MMRN1: variants seen among roughly 807,000 people sequenced by gnomAD.
MMRN1 encodes the protein multimerin-1.
A neutral mutation model predicts 100.7 loss-of-function variants in MMRN1; 94 were observed. The ratio of observed to expected loss-of-function variants is 0.93; its 90% CI spans 0.79 to 1.11. The LOEUF is 1.11. Among genes scored for constraint, MMRN1 ranks in the 50% least tolerant of loss-of-function variants. The probability of loss-of-function intolerance (pLI) is 0.00; values close to 1 mark genes in which losing one functional copy is unlikely to be tolerated. For synonymous variants in MMRN1, 575 were observed against 505.0 expected, an observed-to-expected ratio of 1.14 and a Z score of -1.86; for missense variants, 1,606 against 1,439.1, an observed-to-expected ratio of 1.12 and a Z score of -1.88.
intron 6 of MMRN1, 114 bp from the exon 7 acceptor site, chr4:89,951,491 T>C (rs1723172578): frequency 9.5e-6 from 11 of 1,157,878 alleles, no homozygotes; most frequent in Non-Finnish European, 1.3e-5. Flanking sequence ...GTGGAGCCCA[T>C]TTTTCTTACT....
intron 1 of MMRN1, among the ~76,000 whole-genome samples, chr4:89,905,770 GA>G (rs1721547433): frequency 6.6e-6 from 1 of 151,446 alleles, no homozygotes; most frequent in Non-Finnish European, 1.5e-5. Context: ...ACTTCTCAAA[GA>G]AAATTATATA....
intron 1 of MMRN1, among the ~76,000 whole-genome samples, chr4:89,881,871 A>G (rs1720826143): frequency 6.6e-6 from 1 of 152,036 alleles, no homozygotes; most frequent in Admixed American, 6.6e-5. Flanking sequence ...ATTAACTATT[A>G]TTGAAAATAT....
chr4:89,905,930 G>T (rs1428466986), intron 1 of MMRN1, among the ~76,000 whole-genome samples: 1 of 151,522 alleles, frequency 6.6e-6, no homozygotes, highest in African/African-American at 2.4e-5. Flanking sequence ...TTTTGAATTA[G>T]ATGACAAGCA....
rs1316663228 is a variant in MMRN1, at chr4:89,895,399, A to G, written c.428A>G (p.Gln143Arg). 3.1e-6 allele frequency: 5 copies of G among 1,613,844 alleles called. No individual in the cohort carries two copies. The highest frequency in any genetic ancestry group is 4.2e-6 in the Non-Finnish European group (5 of 1,179,938). Residue 143 changes from glutamine (Q) to arginine (R), a missense_variant, in exon 1 of 8, where the codon CAG (glutamine) becomes CGG (arginine). Gln to Arg is a conservative substitution (Grantham distance 43). Transcript: ENST00000264790. ...VLSNSTLKFLQSFARKSNEQA... is the reference protein window; with the variant it reads ...VLSNSTLKFLRSFARKSNEQA... ...TCCAATTCTACACTGAAATTTCTTC[A>G]GAGCTTTGCCAGAAAGTCAAATGAA...
At chr4:89,925,893 C>T (rs111633951) in intron 4 of MMRN1, among the ~76,000 whole-genome samples, 7,922 of 152,248 alleles carry the variant, frequency 0.052, 550 homozygotes, top group African/African-American at 0.16. Context: ...ACATGCGATG[C>T]TTGTCTTTCT....
chr4:89,894,050 G>A (rs1245402735), upstream of MMRN1, among the ~76,000 whole-genome samples: 2 of 152,008 alleles, frequency 1.3e-5, no homozygotes, highest in Non-Finnish European at 2.9e-5. Flanking sequence ...CATTCTATAT[G>A]ATCCCATTTT....
chr4:89,894,472 G>T (rs1721125922), upstream of MMRN1, among the ~76,000 whole-genome samples: 1 of 152,146 alleles, frequency 6.6e-6, no homozygotes, highest in African/African-American at 2.4e-5. Flanking sequence ...ACAAAATGCA[G>T]CTTTCTGGAT....
At chr4:89,944,972 C>T (rs191547770) in intron 6 of MMRN1, among the ~76,000 whole-genome samples, 37 of 152,200 alleles carry the variant, frequency 2.4e-4, no homozygotes, top group Non-Finnish European at 4.4e-4. Flanking sequence ...GGGATCAGTT[C>T]CATCACCACC....
chr4:89,906,233 T>C (rs373629740), intron 1 of MMRN1, among the ~76,000 whole-genome samples: 15 of 151,708 alleles, frequency 9.9e-5, no homozygotes, highest in African/African-American at 2.7e-4. Flanking sequence ...TTCTCTTAGT[T>C]CATTATCCAC....
chr4:89,894,823 G>T (rs1213305869), upstream of MMRN1: 4 of 1,361,524 alleles, frequency 2.9e-6, no homozygotes, highest in Middle Eastern at 2.7e-4. Flanking sequence ...TCCTGAGTAC[G>T]CTACAAAACA....
rs1722599794 is a variant in MMRN1 at position 89,935,667 on chromosome 4, A to G, written c.1987A>G (p.Met663Val). 6.2e-7 allele frequency: 1 copy of G among 1,613,250 alleles called. No homozygotes were observed. Among genetic ancestry groups the G allele is most frequent in the South Asian group, 1.1e-5 (1 of 91,058 alleles). ...GCAGGGAGCATCACTCAGACAGACAATGACATATGAACAACCAAAGGAAGC... is the reference window on the plus strand; with the variant it reads ...GCAGGGAGCATCACTCAGACAGACAGTGACATATGAACAACCAAAGGAAGC... ...LEQGASLRQTMTYEQPKEAIV... is the reference protein window; with the variant it reads ...LEQGASLRQTVTYEQPKEAIV... Residue 663 changes from methionine (M) to valine (V), a missense_variant, in exon 6 of 8, where the codon ATG becomes GTG. Coordinates refer to ENST00000264790, the MANE Select transcript of MMRN1 (RefSeq NM_007351.3).
chr4:89,894,734 G>T, upstream of MMRN1: 1 of 435,936 alleles, frequency 2.3e-6, no homozygotes, highest in Non-Finnish European at 3.8e-6. Flanking sequence ...CTTTGTCAGA[G>T]ACCCTTCAGC....
intron 1 of MMRN1, among the ~76,000 whole-genome samples, chr4:89,904,640 CTGTG>C (rs1365265303): frequency 6.6e-6 from 1 of 151,200 alleles, no homozygotes; most frequent in Non-Finnish European, 1.5e-5. Context: ...GCGTGTGTGT[CTGTG>C]TGTGTTTGTG....
At chr4:89,908,383 A>T (rs1231527048) in intron 1 of MMRN1, among the ~76,000 whole-genome samples, 1 of 151,452 alleles carries the variant, frequency 6.6e-6, no homozygotes, top group Non-Finnish European at 1.5e-5. Context: ...TTATTATATG[A>T]AAAATTATAG....
intron 5 of MMRN1, 133 bp from the exon 6 acceptor site, chr4:89,934,677 T>C: frequency 2.2e-6 from 1 of 462,770 alleles, no homozygotes. Context: ...TAAAATTCTA[T>C]AAGTAAATGT....
intron 3 of MMRN1, 76 bp downstream of exon 3, chr4:89,912,126 C>A: frequency 9.7e-7 from 1 of 1,032,240 alleles, no homozygotes; most frequent in East Asian, 2.8e-5. Flanking sequence ...TAGCATTTCC[C>A]CTTTTGAACC....
At chr4:89,883,005 A>G (rs1720854452) in intron 1 of MMRN1, among the ~76,000 whole-genome samples, 1 of 152,048 alleles carries the variant, frequency 6.6e-6, no homozygotes, top group Non-Finnish European at 1.5e-5. Flanking sequence ...TATAAATATA[A>G]CTATAACATA....
chr4:89,889,706 A>G (rs1187521095), intron 1 of MMRN1, among the ~76,000 whole-genome samples: 1 of 152,054 alleles, frequency 6.6e-6, no homozygotes, highest in East Asian at 1.9e-4. Context: ...CAATCTCATC[A>G]ATTCAACACT....
chr4:89,903,661 C>CTAAAT (rs1721460553), intron 1 of MMRN1, among the ~76,000 whole-genome samples: 1 of 151,666 alleles, frequency 6.6e-6, no homozygotes, highest in African/African-American at 2.4e-5. Flanking sequence ...TTTAGTCTCA[C>CTAAAT]GACAATCGTG....
Sources: allele counts gnomAD v4.1 joint callset (sites outside exome capture counted in the v4.1 genomes callset), GRCh38; gene constraint gnomAD v4.1.1; transcripts MANE v1.5; gene names NCBI Gene and HGNC (gene_info 2026-07-23, HGNC 2026-07-21).